TNFRSF11B: variants seen among roughly 807,000 people sequenced by gnomAD.
The protein encoded by TNFRSF11B is tumor necrosis factor receptor superfamily member 11B.
A neutral mutation model predicts 43.4 loss-of-function variants in TNFRSF11B; 16 were observed. The ratio of observed to expected loss-of-function variants is 0.37; its 90% CI spans 0.25 to 0.56. TNFRSF11B has a LOEUF of 0.56. Among genes scored for constraint, TNFRSF11B ranks in the 20% least tolerant of loss-of-function variants. TNFRSF11B has a pLI of 0.80. For synonymous variants in TNFRSF11B, 185 were observed against 181.8 expected (o/e 1.02, Z -0.14); for missense variants, 444 against 490.1 (o/e 0.91, Z 0.89).
chr8:118,924,355 G>T lies in TNFRSF11B; in HGVS notation c.*19C>A, dbSNP rs1157913412. The T allele has an allele frequency of 3.7e-6, 6 of 1,613,500 alleles. No homozygotes were observed. The highest frequency in any genetic ancestry group is 1.3e-5 in the African/African-American group (1 of 74,912). ...GGATCTCGCCAATTGTGAGGAAACAGCTCAATGGCCATTTCCAGTTATAAG... is the reference window on the plus strand; with the variant it reads ...GGATCTCGCCAATTGTGAGGAAACATCTCAATGGCCATTTCCAGTTATAAG... On this transcript the variant is annotated 3_prime_UTR_variant, in exon 5 of 5. Coordinates refer to ENST00000297350, the MANE Select transcript of TNFRSF11B (RefSeq NM_002546.4).
In TNFRSF11B at chr8:118,924,851, G is replaced by A. The variant is rs1183742266; in HGVS notation, c.818-89C>T. 7 of 1,518,942 alleles carry A rather than the reference G, an allele frequency of 4.6e-6. No individual in the cohort carries two copies. The African/African-American group carries it at 6.8e-5, about 15-fold the overall frequency. The allele number at this position is 1,518,942 out of a possible 1,614,324, so 94.1% of individuals were successfully genotyped here. On this transcript the variant is annotated intron_variant, in intron 4 of 4. Transcript: ENST00000297350. The stretch of plus-strand genomic sequence containing the variant: ...AACAAGCGTGAGGCAAAAGGTTCTT[G>A]CAGAATTTCATAATTATATTTCAAT...
At chr8:118,937,088 T>G (rs1257423539) in intron 1 of TNFRSF11B, among the ~76,000 whole-genome samples, 1 of 152,176 alleles carries the variant, frequency 6.6e-6, no homozygotes, top group African/African-American at 2.4e-5. Context: ...TCCCTCTCCT[T>G]GCCTTCCATT....
intron 3 of TNFRSF11B, among the ~76,000 whole-genome samples, chr8:118,928,106 C>T (rs1239938708): frequency 6.6e-6 from 1 of 151,988 alleles, no homozygotes; most frequent in Non-Finnish European, 1.5e-5. Context: ...TCACTGCAAC[C>T]TCCATCTCCT....
rs1490206498 is a variant in TNFRSF11B at position 118,924,564 on chromosome 8, T to G, written c.1016A>C (p.Gln339Pro). 1 of 1,614,106 alleles carries G rather than the reference T, an allele frequency of 6.2e-7. No homozygotes were observed. The highest frequency in any genetic ancestry group is 1.3e-5 in the African/African-American group (1 of 74,932). The part of the protein sequence containing the change: ...LSLWRIKNGD[Q>P]DTLKGLMHAL... Reference sequence around the variant, plus strand: ...GTGCATTAGGCCCTTCAAGGTGTCTTGGTCGCCATTTTTTATTCGCCACAA... The same window carrying G: ...GTGCATTAGGCCCTTCAAGGTGTCTGGGTCGCCATTTTTTATTCGCCACAA... Residue 339 changes from glutamine (Q) to proline (P), a missense_variant, in exon 5 of 5, where the codon CAA (glutamine) becomes CCA (proline). Transcript: ENST00000297350.
At chr8:118,949,205 G>C (rs1812606954) in intron 1 of TNFRSF11B, among the ~76,000 whole-genome samples, 1 of 152,096 alleles carries the variant, frequency 6.6e-6, no homozygotes, top group South Asian at 2.1e-4. Context: ...CTCACAAAAA[G>C]AATCTAGAAT....
At chr8:118,932,819 C>G in intron 2 of TNFRSF11B, 112 bp downstream of exon 2, 1 of 1,432,576 alleles carries the variant, frequency 7.0e-7, no homozygotes. Flanking sequence ...GTTTCATTAC[C>G]TTTGCAATTT....
chr8:118,945,351 C>T (rs1459960325), intron 1 of TNFRSF11B, among the ~76,000 whole-genome samples: 3 of 152,062 alleles, frequency 2.0e-5, no homozygotes, highest in Non-Finnish European at 2.9e-5. Flanking sequence ...ATTCTAACCT[C>T]TATTTTAGAG....
chr8:118,937,936 A>C (rs1168866101), intron 1 of TNFRSF11B, among the ~76,000 whole-genome samples: 1 of 152,192 alleles, frequency 6.6e-6, no homozygotes, highest in East Asian at 1.9e-4. Flanking sequence ...ATGTTTACTT[A>C]AATGTTTTAA....
chr8:118,929,743 C>T (rs1002415537), intron 2 of TNFRSF11B, among the ~76,000 whole-genome samples: 4 of 152,196 alleles, frequency 2.6e-5, no homozygotes, highest in East Asian at 1.9e-4. Context: ...GACTATATTA[C>T]GCATGGCTAG....
intron 2 of TNFRSF11B, 134 bp downstream of exon 2, chr8:118,932,797 C>A: frequency 8.8e-7 from 1 of 1,136,458 alleles, no homozygotes; most frequent in East Asian, 2.5e-5. Flanking sequence ...ACACATAGTA[C>A]CTACCTGGCA....
chr8:118,924,228 A>T lies in TNFRSF11B; in HGVS notation c.*146T>A. The T allele has an allele frequency of 1.2e-6, 1 of 833,580 alleles. No individual in the cohort carries two copies. The highest frequency in any genetic ancestry group is 1.5e-5 in the South Asian group (1 of 67,546). 51.6% of individuals were successfully genotyped at this position (833,580 alleles called of 1,614,324 possible). A position where few individuals can be genotyped will look rare whatever the true frequency, so the allele number is the denominator to read the frequency against. On this transcript the variant is annotated 3_prime_UTR_variant, in exon 5 of 5. Coordinates refer to ENST00000297350, the MANE Select transcript of TNFRSF11B (RefSeq NM_002546.4). The stretch of plus-strand genomic sequence containing the variant: ...GAGGAGATGTTAGTCCTTTCTCCAC[A>T]TCATAGTTTCTTTTAGTACCCTGTG...
intron 1 of TNFRSF11B, among the ~76,000 whole-genome samples, chr8:118,934,343 C>T (rs1259857521): frequency 3.3e-5 from 5 of 152,160 alleles, no homozygotes; most frequent in Non-Finnish European, 5.9e-5. Context: ...GATATTTTCT[C>T]TAAACATCAT....
At chr8:118,934,169 G>A (rs187379365) in intron 1 of TNFRSF11B, among the ~76,000 whole-genome samples, 70 of 152,250 alleles carry the variant, frequency 4.6e-4, no homozygotes, top group African/African-American at 1.5e-3. Flanking sequence ...GGTGATATGC[G>A]AAGGTATATG....
chr8:118,951,604 G>T (rs10505346), intron 1 of TNFRSF11B, among the ~76,000 whole-genome samples, 188 bp downstream of exon 1: 33,845 of 152,038 alleles, frequency 0.22, 4,121 homozygotes, highest in African/African-American at 0.32. Context: ...ACTTTGCAGC[G>T]TAAAAGGACA....
intron 2 of TNFRSF11B, among the ~76,000 whole-genome samples, chr8:118,931,357 T>C (rs999762794): frequency 2.0e-4 from 30 of 152,216 alleles, no homozygotes; most frequent in African/African-American, 5.3e-4. Flanking sequence ...CTGAGTCTTC[T>C]GGCTGCCTGC....
chr8:118,931,323 CAG>C (rs1239446270), intron 2 of TNFRSF11B, among the ~76,000 whole-genome samples: 6 of 152,144 alleles, frequency 3.9e-5, no homozygotes, highest in Non-Finnish European at 7.3e-5. Context: ...CCAGTGTACA[CAG>C]AGTAAAATGT....
chr8:118,934,168 C>T (rs958258683), intron 1 of TNFRSF11B, among the ~76,000 whole-genome samples: 1 of 151,946 alleles, frequency 6.6e-6, no homozygotes, highest in Non-Finnish European at 1.5e-5. Flanking sequence ...TGGTGATATG[C>T]GAAGGTATAT....
At chr8:118,948,496 C>T (rs1335553099) in intron 1 of TNFRSF11B, among the ~76,000 whole-genome samples, 1 of 152,088 alleles carries the variant, frequency 6.6e-6, no homozygotes, top group Non-Finnish European at 1.5e-5. Context: ...GTGTTTAGTT[C>T]CTTTTGATCA....
intron 1 of TNFRSF11B, among the ~76,000 whole-genome samples, chr8:118,945,966 T>C (rs551888587): frequency 7.9e-5 from 12 of 152,268 alleles, no homozygotes; most frequent in Admixed American, 3.9e-4. Flanking sequence ...TTAAAGAAGA[T>C]GGCTTCAAGG....
Sources: gnomAD v4.1 joint callset for allele counts (sites outside exome capture counted in the v4.1 genomes callset) on GRCh38, gnomAD v4.1.1 for gene constraint, MANE v1.5 for transcripts, NCBI Gene and HGNC (gene_info 2026-07-23, HGNC 2026-07-21) for gene names.